Variants in RBFOX1 observed in about 807,000 individuals in gnomAD.
RBFOX1 encodes RNA binding fox-1 homolog 1, also known as RNA binding protein fox-1 homolog 1.
RBFOX1 carries 8 observed loss-of-function variants against 57.7 expected under a neutral mutation model. The ratio of observed to expected loss-of-function variants is 0.14; its 90% confidence interval spans 0.08 to 0.25. RBFOX1 has a LOEUF of 0.25. Among genes scored for constraint, RBFOX1 ranks in the 10% least tolerant of loss-of-function variants. The probability of loss-of-function intolerance (pLI) is 1.00; values close to 1 mark genes in which losing one functional copy is unlikely to be tolerated. For missense variants in RBFOX1, 611 were observed against 548.5 expected, an observed-to-expected ratio of 1.11 and a Z score of -1.14; for synonymous variants, 326 against 222.4, an observed-to-expected ratio of 1.47 and a Z score of -4.15.
rs145639547 is a variant in RBFOX1 at position 7,099,786 on chromosome 16, C to T, written c.27+47688C>T. ...CACATATTCTGATGGGCAAGTGGTT[C>T]GTAGAGTTACCGGGAGAAAAGAATG... On this transcript the variant is annotated intron_variant, in intron 4 of 15. Coordinates refer to ENST00000550418, the MANE Select transcript of RBFOX1 (RefSeq NM_018723.4). 2.7e-3 allele frequency among the ~76,000 whole-genome samples: 416 copies of T among 152,122 alleles called. 2 individuals carry two copies. Among genetic ancestry groups the T allele is most frequent in the Middle Eastern group, 6.8e-3 (2 of 294 alleles).
Position 6,626,292 on chromosome 16 carries a change from C to A in RBFOX1, c.-63-28311C>A, listed in dbSNP as rs189323424. 2.0e-4 allele frequency among the ~76,000 whole-genome samples: 31 copies of A among 152,202 alleles called. No individual in the cohort carries two copies. The East Asian group carries it at 3.5e-3, about 17-fold the overall frequency. On this transcript the variant is annotated intron_variant, in intron 2 of 15. Coordinates refer to ENST00000550418, the MANE Select transcript of RBFOX1 (RefSeq NM_018723.4). The stretch of plus-strand genomic sequence containing the variant: ...TTAAGTGTTGGCCATGTGACTCTTG[C>A]ACTAGAGGCCCAGGTCACCCATGAA...
At chr16:5,560,841 C>T (rs570955187) in intron 2 of RBFOX1, among the ~76,000 whole-genome samples, 25 of 152,266 alleles carry the variant, frequency 1.6e-4, no homozygotes, top group Admixed American at 7.8e-4. Context: ...ACACTGTCCA[C>T]CCATCCTCCT....
intron 4 of RBFOX1, among the ~76,000 whole-genome samples, chr16:5,901,807 T>C (rs2058311216): frequency 6.6e-6 from 1 of 152,216 alleles, no homozygotes; most frequent in Non-Finnish European, 1.5e-5. Flanking sequence ...CTTCATAGCC[T>C]CAGGATTTCC....
Position 6,459,984 on chromosome 16 carries a change from C to CAAAAAAAAAAAAAAAAA in RBFOX1, c.-64+142955_-64+142971dup, listed in dbSNP as rs149424076. Among the ~76,000 whole-genome samples the CAAAAAAAAAAAAAAAAA allele has an allele frequency of 7.6e-4, 36 of 47,668 alleles. 7 individuals carry two copies. The highest frequency in any genetic ancestry group is 1.6e-3 in the Admixed American group (4 of 2,452). The allele number at this position is 47,668 out of a possible 152,430, so 31.3% of individuals were successfully genotyped here. A position where few individuals can be genotyped will look rare whatever the true frequency, so the allele number is the denominator to read the frequency against. On this transcript the variant is annotated intron_variant, in intron 2 of 15. Coordinates refer to ENST00000550418, the MANE Select transcript of RBFOX1 (RefSeq NM_018723.4). ...GGGCAACAAGAGTGAAACTCCATCTCAAAAAAAAAAAAAAAAAAAAAAAAA... is the reference window on the plus strand; with the variant it reads ...GGGCAACAAGAGTGAAACTCCATCTCAAAAAAAAAAAAAAAAAAAAAAAAAAAAAAAAAAAAAAAAAA...
intron 3 of RBFOX1, among the ~76,000 whole-genome samples, chr16:5,686,239 C>G (rs1283086980): frequency 2.6e-5 from 4 of 152,062 alleles, no homozygotes; most frequent in Non-Finnish European, 5.9e-5. Flanking sequence ...GGAAGGGGAA[C>G]AGGTTGGGGT....
chr16:6,457,225 C>T (rs1030438496), intron 2 of RBFOX1, among the ~76,000 whole-genome samples: 1 of 152,068 alleles, frequency 6.6e-6, no homozygotes, highest in Non-Finnish European at 1.5e-5. Flanking sequence ...CTAGAGATGT[C>T]AGAAAATCAG....
intron 4 of RBFOX1, among the ~76,000 whole-genome samples, chr16:7,440,636 T>A (rs1488805446): frequency 6.6e-6 from 1 of 152,194 alleles, no homozygotes; most frequent in African/African-American, 2.4e-5. Flanking sequence ...ATTCATTTAT[T>A]TTTAGCCTCA....
chr16:6,974,397 T>G (rs1363377775), intron 3 of RBFOX1, among the ~76,000 whole-genome samples: 3 of 132,508 alleles, frequency 2.3e-5, no homozygotes, highest in Middle Eastern at 4.5e-3. Context: ...CAGGCTGGAG[T>G]GCAATGGTAC....
chr16:6,996,276 T>C (rs2092231597), intron 3 of RBFOX1, among the ~76,000 whole-genome samples: 1 of 152,196 alleles, frequency 6.6e-6, no homozygotes, highest in African/African-American at 2.4e-5. Flanking sequence ...TGATATTGAG[T>C]ATCTCTACTT....
chr16:6,503,325 G>C (rs138679138), intron 2 of RBFOX1, among the ~76,000 whole-genome samples: 1 of 152,154 alleles, frequency 6.6e-6, no homozygotes, highest in African/African-American at 2.4e-5. Context: ...TGGGATAAAG[G>C]AGATTGTAGA....
rs753217179 is a variant in RBFOX1 at position 6,019,852 on chromosome 16, C to T, written c.-267C>T. 6.5e-6 allele frequency: 10 copies of T among 1,529,986 alleles called. No homozygotes were observed. Among genetic ancestry groups the T allele is most frequent in the East Asian group, 4.9e-5 (2 of 40,580 alleles). 94.8% of individuals were successfully genotyped at this position (1,529,986 alleles called of 1,614,324 possible). ...CGGGGCTGACCTGCCCGCGAAGTTG[C>T]GGACAGTGCGTGAGAAACCAGCACC... On this transcript the variant is annotated 5_prime_UTR_variant, in exon 1 of 16. Transcript: ENST00000550418. This position sits in a 1 kb window ranked among gnomAD's most constrained non-coding sequence, Gnocchi z 4.2.
intron 1 of RBFOX1, among the ~76,000 whole-genome samples, chr16:5,351,931 G>A (rs992131769): frequency 9.2e-5 from 14 of 152,080 alleles, no homozygotes; most frequent in African/African-American, 3.4e-4. Context: ...AACCTTCCGA[G>A]TAGCTGGGAT....
intron 2 of RBFOX1, among the ~76,000 whole-genome samples, chr16:6,557,813 ATG>A (rs2097126137): frequency 6.6e-6 from 1 of 152,214 alleles, no homozygotes; most frequent in African/African-American, 2.4e-5. Context: ...TGCAGGACAA[ATG>A]TAGAGCTAAG....
chr16:7,035,988 T>G (rs1047601903), intron 3 of RBFOX1, among the ~76,000 whole-genome samples: 1 of 152,192 alleles, frequency 6.6e-6, no homozygotes, highest in African/African-American at 2.4e-5. Flanking sequence ...TCCTCAAGTT[T>G]CTCAAGCTAC....
chr16:6,960,352 A>G (rs971062713), intron 3 of RBFOX1, among the ~76,000 whole-genome samples: 1 of 152,178 alleles, frequency 6.6e-6, no homozygotes, highest in South Asian at 2.1e-4. Context: ...CATATAGCTT[A>G]GAAGCTGTAT....
chr16:6,335,029 T>C (rs1179610249), intron 2 of RBFOX1, among the ~76,000 whole-genome samples: 1 of 152,276 alleles, frequency 6.6e-6, no homozygotes, highest in Non-Finnish European at 1.5e-5. Flanking sequence ...ATACCTATTA[T>C]GCCTGTTAGT....
chr16:7,287,329 G>C (rs1161384030), intron 4 of RBFOX1, among the ~76,000 whole-genome samples: 2 of 152,194 alleles, frequency 1.3e-5, no homozygotes, highest in African/African-American at 4.8e-5. Context: ...GGAGAGACAA[G>C]AAAGAAACTT....
chr16:6,508,505 A>T (rs1448083483), intron 2 of RBFOX1, among the ~76,000 whole-genome samples: 1 of 152,202 alleles, frequency 6.6e-6, no homozygotes, highest in East Asian at 1.9e-4. Flanking sequence ...TAATCCCTTA[A>T]AACCTTCCAA....
At chr16:6,563,724 A>G (rs1194479984) in intron 2 of RBFOX1, among the ~76,000 whole-genome samples, 4 of 152,066 alleles carry the variant, frequency 2.6e-5, no homozygotes, top group African/African-American at 9.7e-5. Context: ...ACACACTGGT[A>G]GTAGGGCACA....
Sources: allele counts gnomAD v4.1 joint callset (sites outside exome capture counted in the v4.1 genomes callset), GRCh38; gene constraint gnomAD v4.1.1; non-coding constraint Gnocchi (gnomAD v3.1); transcripts MANE v1.5; gene names NCBI Gene and HGNC (gene_info 2026-07-23, HGNC 2026-07-21).